Variants in SH3BP4 observed in about 807,000 individuals in gnomAD.
The protein encoded by SH3BP4 is SH3 domain-binding protein 4.
A neutral mutation model predicts 65.5 loss-of-function variants in SH3BP4; 33 were observed. The observed-to-expected ratio is 0.50, with a 90% CI of 0.38 to 0.67. The LOEUF is 0.67. Among genes scored for constraint, SH3BP4 ranks in the 30% least tolerant of loss-of-function variants. The pLI, the probability that SH3BP4 is intolerant of heterozygous loss-of-function variation, is 0.00. For synonymous variants in SH3BP4, 552 were observed against 545.5 expected (o/e 1.01, Z -0.17); for missense variants, 1,134 against 1,261.4 (o/e 0.90, Z 1.53).
chr2:235,051,097 A>G (rs1051129989), intron 4 of SH3BP4, among the ~76,000 whole-genome samples: 3 of 152,148 alleles, frequency 2.0e-5, no homozygotes, highest in Non-Finnish European at 4.4e-5. Context: ...TGTGCCTTCT[A>G]TGGCAGAGGA....
intron 1 of SH3BP4, among the ~76,000 whole-genome samples, chr2:234,985,326 C>T (rs1193595435): frequency 6.6e-6 from 1 of 152,110 alleles, no homozygotes; most frequent in East Asian, 1.9e-4. Context: ...TTAATGACTT[C>T]ACAGACAGTC....
At chr2:235,037,081 G>C (rs1695410987) in intron 3 of SH3BP4, among the ~76,000 whole-genome samples, 1 of 152,194 alleles carries the variant, frequency 6.6e-6, no homozygotes, top group African/African-American at 2.4e-5. Flanking sequence ...CTACTCTGAT[G>C]AATGTTTTGC....
intron 1 of SH3BP4, among the ~76,000 whole-genome samples, chr2:234,975,193 T>C (rs868368395): frequency 6.7e-6 from 1 of 150,294 alleles, no homozygotes; most frequent in Non-Finnish European, 1.5e-5. Flanking sequence ...CCACAGGGAA[T>C]TGGTTTCTTG....
At chr2:235,051,766 G>C (rs897634687) in intron 4 of SH3BP4, among the ~76,000 whole-genome samples, 1 of 152,040 alleles carries the variant, frequency 6.6e-6, no homozygotes. Flanking sequence ...TTCTACCCGC[G>C]GTGCTCTCTA....
chr2:234,982,871 G>T (rs570765801), intron 1 of SH3BP4, among the ~76,000 whole-genome samples: 2 of 718 alleles, frequency 2.8e-3, no homozygotes, highest in South Asian at 0.2. Context: ...GGAGGAAGAG[G>T]CAGGAAGGAG....
Position 235,041,001 on chromosome 2 carries a change from A to G in SH3BP4, c.232A>G (p.Lys78Glu). 6.2e-7 allele frequency: 1 copy of G among 1,614,176 alleles called. No homozygotes were observed. Among genetic ancestry groups the G allele is most frequent in the Non-Finnish European group, 8.5e-7 (1 of 1,180,040 alleles). Residue 78 changes from lysine (K) to glutamate (E), a missense_variant, in exon 4 of 6, where the codon AAG becomes GAG. By Grantham distance (56) the Lys-to-Glu change is moderately conservative. Coordinates refer to ENST00000392011, the MANE Select transcript of SH3BP4 (RefSeq NM_014521.3). This position sits in a 1 kb window ranked among gnomAD's most constrained non-coding sequence, Gnocchi z 6.0. ...CAACTTCACCACACTGAAGTTCTCC[A>G]AGGGCGACCATCTCTACGTCTTGGA... ...PTNFTTLKFS[K>E]GDHLYVLDTS...
intron 1 of SH3BP4, among the ~76,000 whole-genome samples, chr2:234,988,817 G>T (rs1203465516): frequency 6.6e-6 from 1 of 152,148 alleles, no homozygotes; most frequent in East Asian, 1.9e-4. Context: ...ATTCATTCTA[G>T]GTTTAACACA....
In SH3BP4 at chr2:234,974,603, C is replaced by CCTTAG. The variant is rs1693113151; in HGVS notation, c.-206-20700_-206-20699insCTTAG. 6.6e-6 allele frequency among the ~76,000 whole-genome samples: 1 copy of CCTTAG among 152,216 alleles called. No homozygotes were observed. Among genetic ancestry groups the CCTTAG allele is most frequent in the African/African-American group, 2.4e-5 (1 of 41,464 alleles). ...TTCAGTTTCTTGCCTTAGTGTTAGG[C>CCTTAG]TGGCGCGGGCCTTCTGGTGCTCAGG... On this transcript the variant is annotated intron_variant, in intron 1 of 5. Coordinates refer to ENST00000392011, the MANE Select transcript of SH3BP4 (RefSeq NM_014521.3). This position sits in a 1 kb window ranked among gnomAD's most constrained non-coding sequence, Gnocchi z 4.6.
At chr2:234,998,534 T>G (rs983001912) in intron 2 of SH3BP4, among the ~76,000 whole-genome samples, 8 of 152,252 alleles carry the variant, frequency 5.3e-5, no homozygotes, top group Non-Finnish European at 8.8e-5. Context: ...TCCCTTTGTG[T>G]GTTTGGTGAG....
intron 2 of SH3BP4, among the ~76,000 whole-genome samples, chr2:235,018,500 G>A (rs1003816364): frequency 4.8e-4 from 73 of 152,070 alleles, no homozygotes; most frequent in Non-Finnish European, 1.0e-4. Context: ...TTGCCTTCAG[G>A]GAGGCTTTAT....
intron 2 of SH3BP4, among the ~76,000 whole-genome samples, chr2:235,028,655 T>C (rs1368545591): frequency 5.3e-5 from 8 of 152,166 alleles, no homozygotes. Context: ...GCTCAGATTC[T>C]CATGGAGAAA....
At chr2:234,979,528 T>G (rs1458574534) in intron 1 of SH3BP4, 1 of 152,278 alleles carries the variant, frequency 6.6e-6, no homozygotes, top group Non-Finnish European at 1.5e-5. Flanking sequence ...GTTCACATCC[T>G]GTGAAGTCCC....
At chr2:235,004,611 T>G (rs1266053424) in intron 2 of SH3BP4, among the ~76,000 whole-genome samples, 1 of 151,976 alleles carries the variant, frequency 6.6e-6, no homozygotes, top group Admixed American at 6.6e-5. Flanking sequence ...ACATGACTTA[T>G]AAATGGAACC....
At chr2:235,005,786 G>C (rs1694274279) in intron 2 of SH3BP4, among the ~76,000 whole-genome samples, 1 of 152,240 alleles carries the variant, frequency 6.6e-6, no homozygotes, top group African/African-American at 2.4e-5. Flanking sequence ...AGTGGGGGCA[G>C]AACGAGAGGA....
Position 235,052,881 on chromosome 2 carries a change from G to C in SH3BP4, c.2667+131G>C. 5 of 863,642 alleles carry C rather than the reference G, an allele frequency of 5.8e-6. No individual in the cohort carries two copies. The highest frequency in any genetic ancestry group is 8.7e-6 in the Non-Finnish European group (5 of 572,118). 53.5% of individuals were successfully genotyped at this position (863,642 alleles called of 1,614,324 possible). On this transcript the variant is annotated intron_variant, in intron 5 of 5. Transcript: ENST00000392011. The surrounding 1 kb of genome is among the most constrained non-coding windows in gnomAD (Gnocchi z 5.0). ...GGGTGCAACAGGTGGAAATGTGCAC[G>C]CATGTGCCCAGCACTGGGTGTGCCT...
rs1353090891 is a variant in SH3BP4 at position 235,052,544 on chromosome 2, G to A, written c.2479-18G>A. The stretch of plus-strand genomic sequence containing the variant: ...CACTCCCTACACTGTCTCACGCTGT[G>A]TGCCTCTTCCTCTGCAGGCCCTACT... On this transcript the variant is annotated intron_variant, in intron 4 of 5. Coordinates refer to ENST00000392011, the MANE Select transcript of SH3BP4 (RefSeq NM_014521.3). This position sits in a 1 kb window ranked among gnomAD's most constrained non-coding sequence, Gnocchi z 5.0. The A allele has an allele frequency of 6.5e-6, 10 of 1,536,574 alleles. No individual in the cohort carries two copies. The highest frequency in any genetic ancestry group is 1.4e-5 in the African/African-American group (1 of 72,766).
At chr2:235,021,421 C>T (rs973065475) in intron 2 of SH3BP4, among the ~76,000 whole-genome samples, 15 of 151,842 alleles carry the variant, frequency 9.9e-5, no homozygotes, top group East Asian at 9.7e-4. Flanking sequence ...TGAGACCAGC[C>T]TGGCCAGCAT....
At position 234,989,892 on chromosome 2, in the gene SH3BP4, C is replaced by G. The variant is rs1693696644; in HGVS notation, c.-206-5411C>G. On this transcript the variant is annotated intron_variant, in intron 1 of 5. Coordinates refer to ENST00000392011, the MANE Select transcript of SH3BP4 (RefSeq NM_014521.3). Reference sequence around the variant, plus strand: ...AAGAATTTTCAGGGTGAACACCCCTCATCCAAAAATTTGAAATCCAAAATG... The same window carrying G: ...AAGAATTTTCAGGGTGAACACCCCTGATCCAAAAATTTGAAATCCAAAATG... 2.0e-5 allele frequency among the ~76,000 whole-genome samples: 3 copies of G among 152,306 alleles called. No individual in the cohort carries two copies. The South Asian group carries it at 6.2e-4, about 32-fold the overall frequency.
intron 2 of SH3BP4, among the ~76,000 whole-genome samples, chr2:235,013,521 A>G (rs1453767690): frequency 6.6e-6 from 1 of 152,046 alleles, no homozygotes; most frequent in Non-Finnish European, 1.5e-5. Context: ...ATTAGTAATT[A>G]TTTTGTTAGT....
Sources: gnomAD v4.1 joint callset for allele counts (sites outside exome capture counted in the v4.1 genomes callset) on GRCh38, gnomAD v4.1.1 for gene constraint, Gnocchi (gnomAD v3.1) non-coding constraint, MANE v1.5 for transcripts, NCBI Gene and HGNC (gene_info 2026-07-23, HGNC 2026-07-21) for gene names.